THSD7B: variants seen among roughly 807,000 people sequenced by gnomAD.
The protein encoded by THSD7B is thrombospondin type-1 domain-containing protein 7B.
In THSD7B, 138 loss-of-function variants were observed where a neutral mutation model predicts 213.6. The observed-to-expected ratio is 0.65, with a 90% confidence interval of 0.56 to 0.74. THSD7B has a LOEUF of 0.74. Ranked by LOEUF, THSD7B falls within the 30% of genes least tolerant of loss-of-function variation. THSD7B has a pLI of 0.00. For synonymous variants in THSD7B, 742 were observed against 687.0 expected, an observed-to-expected ratio of 1.08 and a Z score of -1.25; for missense variants, 1,931 against 1,991.5, an observed-to-expected ratio of 0.97 and a Z score of 0.58.
At chr2:136,993,852 G>T (rs1263872846) in intron 2 of THSD7B, among the ~76,000 whole-genome samples, 1 of 152,166 alleles carries the variant, frequency 6.6e-6, no homozygotes, top group Admixed American at 6.5e-5. Flanking sequence ...GCATGTGTGT[G>T]CATGAAAGAC....
At chr2:137,094,743 T>A in intron 3 of THSD7B, 130 bp from the exon 4 acceptor site, 1 of 1,197,476 alleles carries the variant, frequency 8.4e-7, no homozygotes, top group Non-Finnish European at 1.2e-6. Context: ...GTCTCTAAAA[T>A]TTTTTAAAAA....
chr2:136,845,996 G>T (rs1188623600), intron 1 of THSD7B, among the ~76,000 whole-genome samples: 1 of 152,128 alleles, frequency 6.6e-6, no homozygotes, highest in African/African-American at 2.4e-5. Flanking sequence ...GTGAGCACAG[G>T]GGGTAGTCGG....
chr2:137,589,013 C>G (rs1681806626), intron 17 of THSD7B, among the ~76,000 whole-genome samples: 1 of 152,082 alleles, frequency 6.6e-6, no homozygotes, highest in Admixed American at 6.5e-5. Context: ...CTTCTGACCT[C>G]AGGTGATCTG....
chr2:137,306,121 G>T (rs1683734904), intron 12 of THSD7B, among the ~76,000 whole-genome samples: 1 of 151,952 alleles, frequency 6.6e-6, no homozygotes, highest in African/African-American at 2.4e-5. Flanking sequence ...GACATTACTA[G>T]ACACTTTTAT....
intron 2 of THSD7B, among the ~76,000 whole-genome samples, chr2:136,955,984 GCGCC>G (rs1685117216): frequency 1.3e-5 from 2 of 149,334 alleles, no homozygotes; most frequent in Non-Finnish European, 3.0e-5. Context: ...AGCCGAGATT[GCGCC>G]ACTGCACTCC....
At chr2:137,238,585 C>T (rs1312890879) in intron 9 of THSD7B, among the ~76,000 whole-genome samples, 1 of 106,596 alleles carries the variant, frequency 9.4e-6, no homozygotes, top group Non-Finnish European at 1.7e-5. Flanking sequence ...CTCGCTCTGT[C>T]GCCCAGGCCG....
intron 2 of THSD7B, among the ~76,000 whole-genome samples, chr2:137,024,007 G>A (rs1037798539): frequency 6.6e-6 from 1 of 151,866 alleles, no homozygotes; most frequent in Non-Finnish European, 1.5e-5. Flanking sequence ...TCCAAGAACT[G>A]GGTTGGAAGA....
chr2:137,445,497 A>T (rs1687518126), intron 14 of THSD7B, among the ~76,000 whole-genome samples: 1 of 152,026 alleles, frequency 6.6e-6, no homozygotes, highest in Non-Finnish European at 1.5e-5. Context: ...TACATGAAAT[A>T]AGCCAGACAC....
At chr2:136,777,872 T>C (rs2104903631) in intron 1 of THSD7B, among the ~76,000 whole-genome samples, 1 of 152,326 alleles carries the variant, frequency 6.6e-6, no homozygotes, top group Admixed American at 6.5e-5. Flanking sequence ...CTGTTAACTC[T>C]GCAGGGCATG....
intron 2 of THSD7B, among the ~76,000 whole-genome samples, chr2:136,940,545 C>T (rs1684802759): frequency 6.6e-6 from 1 of 151,584 alleles, no homozygotes; most frequent in South Asian, 2.1e-4. Flanking sequence ...ATATGCACAA[C>T]CACATCCAGC....
chr2:137,599,643 C>T (rs1014596753), intron 17 of THSD7B, among the ~76,000 whole-genome samples: 1 of 152,028 alleles, frequency 6.6e-6, no homozygotes, highest in African/African-American at 2.4e-5. Flanking sequence ...TGGGTATATA[C>T]CCAAAGGACT....
At chr2:136,985,210 A>T (rs559931961) in intron 2 of THSD7B, among the ~76,000 whole-genome samples, 1 of 152,182 alleles carries the variant, frequency 6.6e-6, no homozygotes, top group Admixed American at 6.5e-5. Context: ...GATTAGCAGG[A>T]TTGGAAGGGA....
chr2:137,064,780 T>C (rs759654997), intron 3 of THSD7B, among the ~76,000 whole-genome samples: 5 of 152,076 alleles, frequency 3.3e-5, no homozygotes, highest in Non-Finnish European at 5.9e-5. Flanking sequence ...CCTCAGTGTA[T>C]GTTCTTGATA....
At chr2:137,367,624 A>G (rs1394768738) in intron 12 of THSD7B, among the ~76,000 whole-genome samples, 3 of 152,136 alleles carry the variant, frequency 2.0e-5, no homozygotes, top group African/African-American at 7.2e-5. Flanking sequence ...AGAGGGCATA[A>G]CAAAACACCA....
chr2:137,659,639 A>G, intron 24 of THSD7B, 25 bp from the exon 25 acceptor site: 1 of 1,571,448 alleles, frequency 6.4e-7, no homozygotes, highest in South Asian at 1.2e-5. Context: ...GAAATCTGCA[A>G]ATGATGGTGG....
chr2:137,403,917 C>T (rs1686435228), intron 12 of THSD7B, among the ~76,000 whole-genome samples: 1 of 152,108 alleles, frequency 6.6e-6, no homozygotes, highest in Non-Finnish European at 1.5e-5. Flanking sequence ...CACTTATTTA[C>T]ACACCCACAA....
Position 137,656,880 on chromosome 2 carries a change from G to T in THSD7B, c.4190G>T (p.Arg1397Leu). ...IDGRSFETVG[R>L]QSRSRTFIIQ... ...GGAAGAAGCTTTGAGACTGTGGGCC[G>T]CCAGTCTAGATCAAGGACTTTTATA... Residue 1397 changes from arginine to leucine, a missense_variant, in exon 23 of 28, where the codon CGC becomes CTC. Transcript: ENST00000409968. 6.2e-7 allele frequency: 1 copy of T among 1,613,958 alleles called. No homozygotes were observed. The highest frequency in any genetic ancestry group is 8.5e-7 in the Non-Finnish European group (1 of 1,179,868).
rs77931161 is a variant in THSD7B, at chr2:137,017,864, A to G, written c.140-38556A>G. On this transcript the variant is annotated intron_variant, in intron 2 of 27. Coordinates refer to ENST00000409968, the MANE Select transcript of THSD7B (RefSeq NM_001316349.2). Reference sequence around the variant, plus strand: ...TCTGTTGTTCTTTAAATTCTGAGCAACTGGATTCAAAATTAATGCTGTGTT... The same window carrying G: ...TCTGTTGTTCTTTAAATTCTGAGCAGCTGGATTCAAAATTAATGCTGTGTT... Among the ~76,000 whole-genome samples, 101 of 152,280 alleles carry G rather than the reference A, an allele frequency of 6.6e-4. 1 individual carries two copies. The East Asian group carries it at 0.017, about 26-fold the overall frequency.
chr2:137,131,199 G>C (rs569836773), intron 5 of THSD7B, among the ~76,000 whole-genome samples: 2 of 147,798 alleles, frequency 1.4e-5, no homozygotes, highest in African/African-American at 4.9e-5. Context: ...GTCTGTTCAT[G>C]TCCTTCACCC....
Sources: gnomAD v4.1 joint callset for allele counts (sites outside exome capture counted in the v4.1 genomes callset) on GRCh38, gnomAD v4.1.1 for gene constraint, MANE v1.5 for transcripts, NCBI Gene and HGNC (gene_info 2026-07-23, HGNC 2026-07-21) for gene names.